Variants in INSR observed in about 807,000 individuals in gnomAD.
INSR encodes the protein IR.
INSR carries 67 observed loss-of-function variants against 142.6 expected under a neutral mutation model. That is an observed-to-expected ratio of 0.47 (90% CI 0.39 to 0.58). INSR has a LOEUF of 0.58. INSR is among the 20% of genes least tolerant of loss of function. INSR has a pLI of 0.00. For synonymous variants in INSR, 756 were observed against 743.1 expected (o/e 1.02, Z -0.28); for missense variants, 1,248 against 1,833.2 (o/e 0.68, Z 5.83).
chr19:7,248,951 G>T (rs1323501251), intron 2 of INSR, among the ~76,000 whole-genome samples: 2 of 151,874 alleles, frequency 1.3e-5, no homozygotes, highest in African/African-American at 4.8e-5. Flanking sequence ...TAGAGACAGG[G>T]TTTCTCCATG....
At chr19:7,256,846 T>A (rs1433127680) in intron 2 of INSR, among the ~76,000 whole-genome samples, 2 of 150,438 alleles carry the variant, frequency 1.3e-5, no homozygotes, top group South Asian at 4.2e-4. Flanking sequence ...ATTTTTTTTT[T>A]AAAGATCTTT....
intron 13 of INSR, among the ~76,000 whole-genome samples, chr19:7,134,197 AAAAG>A (rs889598388): frequency 3.3e-5 from 5 of 152,182 alleles, no homozygotes; most frequent in African/African-American, 9.7e-5. Context: ...TAAATAAATA[AAAAG>A]AAAGAAACTA....
intron 2 of INSR, among the ~76,000 whole-genome samples, chr19:7,232,794 T>C (rs145786025): frequency 6.6e-6 from 1 of 151,124 alleles, no homozygotes; most frequent in South Asian, 2.1e-4. Context: ...TGGGCAACAG[T>C]GCAAGACTCC....
rs147249107 is a variant in INSR, at chr19:7,181,780, C to T, written c.974+2536G>A. Among the ~76,000 whole-genome samples, 1,028 of 151,486 alleles carry T rather than the reference C, an allele frequency of 6.8e-3. 12 individuals carry two copies. Among genetic ancestry groups the T allele is most frequent in the African/African-American group, 0.023 (958 of 41,324 alleles). Reference sequence around the variant, plus strand: ...ATTTTTAGTAAAGACGGGGTTTCACCGTGGTGGCCAGGCTGACCTTGAACT... The same window carrying T: ...ATTTTTAGTAAAGACGGGGTTTCACTGTGGTGGCCAGGCTGACCTTGAACT... On this transcript the variant is annotated intron_variant, in intron 3 of 21. Transcript: ENST00000302850.
intron 2 of INSR, among the ~76,000 whole-genome samples, chr19:7,240,575 C>CAAAT (rs528313466): frequency 6.6e-6 from 1 of 152,070 alleles, no homozygotes; most frequent in Non-Finnish European, 1.5e-5. Context: ...TTGTCAAATA[C>CAAAT]AAATAAATAA....
In INSR at chr19:7,262,198, C is replaced by A. The variant is rs181395160; in HGVS notation, c.652+5147G>T. Among the ~76,000 whole-genome samples the A allele has an allele frequency of 5.2e-3, 786 of 152,200 alleles. 7 individuals carry two copies. The highest frequency in any genetic ancestry group is 0.018 in the African/African-American group (736 of 41,544). On this transcript the variant is annotated intron_variant, in intron 2 of 21. Transcript: ENST00000302850. ...CAAATAAGCCTCCTAAGGCTGGGCG[C>A]GGTAGCTCACGCCTGTAATCCCAGC...
At chr19:7,160,223 C>A (rs1171043327) in intron 9 of INSR, among the ~76,000 whole-genome samples, 1 of 151,988 alleles carries the variant, frequency 6.6e-6, no homozygotes, top group African/African-American at 2.4e-5. Context: ...GGTGCAAGCT[C>A]GGCTCATTGC....
intron 2 of INSR, among the ~76,000 whole-genome samples, chr19:7,211,717 C>G (rs35639485): frequency 1.3e-5 from 2 of 152,108 alleles, no homozygotes; most frequent in African/African-American, 4.8e-5. Flanking sequence ...GGGTCAGGGC[C>G]GGCAGCCGCG....
At chr19:7,153,210 A>ATG (rs1973461382) in intron 9 of INSR, among the ~76,000 whole-genome samples, 1 of 87,318 alleles carries the variant, frequency 1.1e-5, no homozygotes, top group Non-Finnish European at 2.6e-5. Context: ...CACACACCAC[A>ATG]CACCACACAC....
intron 13 of INSR, among the ~76,000 whole-genome samples, chr19:7,135,580 T>C (rs1972902252): frequency 7.1e-6 from 1 of 140,920 alleles, no homozygotes; most frequent in Admixed American, 7.2e-5. Flanking sequence ...CATGACTCTG[T>C]CTCTGAAAAA....
chr19:7,232,127 A>G (rs1975999410), intron 2 of INSR, among the ~76,000 whole-genome samples: 1 of 152,102 alleles, frequency 6.6e-6, no homozygotes, highest in South Asian at 2.1e-4. Context: ...AATGTCCTCC[A>G]TTTTGTTTTC....
At position 7,192,311 on chromosome 19, in the gene INSR, A is replaced by AGAAAAG. The variant is rs979443731; in HGVS notation, c.653-7675_653-7674insCTTTTC. Among the ~76,000 whole-genome samples the AGAAAAG allele has an allele frequency of 6.8e-6, 1 of 147,834 alleles. No individual in the cohort carries two copies. Among genetic ancestry groups the AGAAAAG allele is most frequent in the East Asian group, 2.0e-4 (1 of 4,986 alleles). On this transcript the variant is annotated intron_variant, in intron 2 of 21. Coordinates refer to ENST00000302850, the MANE Select transcript of INSR (RefSeq NM_000208.4). The surrounding 1 kb of genome is among the most constrained non-coding windows in gnomAD (Gnocchi z 4.2). ...AGAAAAGAAAAGAAAAGAAAAGAAA[A>AGAAAAG]AAATCACAGGCAGCCCAGGCTGGGG...
chr19:7,288,337 C>T (rs1334597114), intron 1 of INSR, among the ~76,000 whole-genome samples: 1 of 151,892 alleles, frequency 6.6e-6, no homozygotes, highest in African/African-American at 2.4e-5. Context: ...TCTGTCTCTA[C>T]AAATAAATTT....
chr19:7,162,933 GAC>G, intron 9 of INSR, 97 bp downstream of exon 9: 3 of 1,140,242 alleles, frequency 2.6e-6, no homozygotes, highest in Non-Finnish European at 4.0e-6. Context: ...CCGACACTGA[GAC>G]ACAGGAAGAG....
intron 2 of INSR, among the ~76,000 whole-genome samples, chr19:7,245,559 C>T (rs1475066662): frequency 6.6e-6 from 1 of 152,122 alleles, no homozygotes; most frequent in East Asian, 1.9e-4. Flanking sequence ...AGCAACTCTC[C>T]TGTCTCAGGT....
chr19:7,162,420 A>G (rs1249691789), intron 9 of INSR, among the ~76,000 whole-genome samples: 1 of 150,180 alleles, frequency 6.7e-6, no homozygotes, highest in East Asian at 2.0e-4. Context: ...CTGAGGCAAG[A>G]GGATTGCTTG....
At chr19:7,134,768 G>C (rs1312504735) in intron 13 of INSR, among the ~76,000 whole-genome samples, 1 of 151,226 alleles carries the variant, frequency 6.6e-6, no homozygotes, top group Non-Finnish European at 1.5e-5. Context: ...GTCTCAAAAA[G>C]AAAAAGAAAA....
rs1263721312 is a variant in INSR at position 7,219,719 on chromosome 19, TTAAC to T, written c.653-35086_653-35083del. On this transcript the variant is annotated intron_variant, in intron 2 of 21. Coordinates refer to ENST00000302850, the MANE Select transcript of INSR (RefSeq NM_000208.4). ...AAGAAAAGAACGATTGCTGGCTCAT[TTAAC>T]TAACAAGTCATAGGACAAGGACACT... is the stretch of plus-strand genomic sequence containing the variant. 6.6e-5 allele frequency among the ~76,000 whole-genome samples: 10 copies of T among 152,156 alleles called. No individual in the cohort carries two copies. In the East Asian group the frequency reaches 1.4e-3, roughly 21 times the overall value.
chr19:7,210,782 T>TTA (rs1975251899), intron 2 of INSR, among the ~76,000 whole-genome samples: 1 of 151,864 alleles, frequency 6.6e-6, no homozygotes, highest in Admixed American at 6.6e-5. Context: ...CAGGCTGGAG[T>TTA]GCAGTGGTAC....
Sources: gnomAD v4.1 joint callset for allele counts (sites outside exome capture counted in the v4.1 genomes callset) on GRCh38, gnomAD v4.1.1 for gene constraint, Gnocchi (gnomAD v3.1) non-coding constraint, MANE v1.5 for transcripts, NCBI Gene and HGNC (gene_info 2026-07-23, HGNC 2026-07-21) for gene names.